The following KNTC1 variants were observed in gnomAD, a reference collection of about 807,000 sequenced individuals.
KNTC1 encodes the protein kinetochore associated 1.
A neutral mutation model predicts 314.4 loss-of-function variants in KNTC1; 253 were observed. The observed-to-expected ratio is 0.80, with a 90% CI of 0.73 to 0.89. The LOEUF (loss-of-function observed/expected upper bound fraction) is 0.89. Ranked by LOEUF, KNTC1 falls within the 40% of genes least tolerant of loss-of-function variation. The pLI, the probability that KNTC1 is intolerant of heterozygous loss-of-function variation, is 0.00. For synonymous variants in KNTC1, 901 were observed against 901.4 expected, an observed-to-expected ratio of 1.00 and a Z score of 0.01; for missense variants, 2,475 against 2,572.9, an observed-to-expected ratio of 0.96 and a Z score of 0.82.
chr12:122,568,226 T>C (rs777285557), intron 20 of KNTC1, 35 bp from the exon 21 acceptor site: 1 of 1,043,362 alleles, frequency 9.6e-7, no homozygotes, highest in South Asian at 1.4e-5. Context: ...TAATTTTTTT[T>C]AAAACTGACT....
chr12:122,561,862 C>A (rs1396822956), intron 18 of KNTC1, 59 bp from the exon 19 acceptor site: 6 of 1,387,518 alleles, frequency 4.3e-6, no homozygotes, highest in South Asian at 1.3e-5. Context: ...GAAAATCCAT[C>A]ATTTAGGAAA....
At chr12:122,571,340 A>T (rs886157833) in intron 24 of KNTC1, among the ~76,000 whole-genome samples, 12 of 150,714 alleles carry the variant, frequency 8.0e-5, no homozygotes, top group African/African-American at 2.4e-5. Flanking sequence ...CTATGTTTTT[A>T]ATTTATTTAT....
chr12:122,552,429 A>G (rs1565947558), intron 16 of KNTC1, among the ~76,000 whole-genome samples: 1 of 152,166 alleles, frequency 6.6e-6, no homozygotes, highest in Non-Finnish European at 1.5e-5. Flanking sequence ...CAGTGGGGCG[A>G]TCACAGCTTA....
chr12:122,611,675 T>C (rs1334571875), intron 53 of KNTC1: 2 of 152,180 alleles, frequency 1.3e-5, no homozygotes, highest in African/African-American at 4.8e-5. Flanking sequence ...TATACAGTAA[T>C]CTTTCCGTAT....
In KNTC1 at chr12:122,587,740, T is replaced by C. The variant is rs267603355; in HGVS notation, c.3760T>C (p.Ser1254Pro). 1.2e-6 allele frequency: 2 copies of C among 1,613,488 alleles called. No individual in the cohort carries two copies. Among genetic ancestry groups the C allele is most frequent in the Non-Finnish European group, 1.7e-6 (2 of 1,179,692 alleles). The change falls in exon 39 of 64, where the codon TCC (serine) becomes CCC (proline). Residue 1254 changes from serine (S) to proline (P), a missense_variant. Coordinates refer to ENST00000333479, the MANE Select transcript of KNTC1 (RefSeq NM_014708.6). The stretch of plus-strand genomic sequence containing the variant: ...TGGCCTTGTTTTACCTGTTATAAAT[T>C]CCATCTCTGCCCTGCTTCAGAATCT... ...GDGLVLPVIN[S>P]ISALLQNLQE...
chr12:122,594,091 G>A (rs1870697862), intron 42 of KNTC1, 185 bp from the exon 43 acceptor site: 2 of 547,674 alleles, frequency 3.7e-6, no homozygotes, highest in South Asian at 2.5e-5. Flanking sequence ...GAGGAGTTTC[G>A]GACCCATGTA....
intron 59 of KNTC1, 42 bp from the exon 60 acceptor site, chr12:122,620,437 G>A: frequency 6.3e-7 from 1 of 1,582,492 alleles, no homozygotes; most frequent in African/African-American, 1.3e-5. Flanking sequence ...ATAATCTAGT[G>A]AATCTGCCAG....
chr12:122,569,946 A>C, intron 22 of KNTC1, 122 bp downstream of exon 22: 1 of 789,334 alleles, frequency 1.3e-6, no homozygotes, highest in Non-Finnish European at 2.0e-6. Flanking sequence ...ACCTGTGTTA[A>C]TTAAAGTGTC....
At chr12:122,594,418 G>A (rs532656783) in intron 43 of KNTC1, 33 bp downstream of exon 43, 14 of 1,190,322 alleles carry the variant, frequency 1.2e-5, no homozygotes, top group Non-Finnish European at 1.2e-5. Flanking sequence ...TATTTTTGCT[G>A]TTAACAAACT....
intron 18 of KNTC1, among the ~76,000 whole-genome samples, chr12:122,561,680 C>T (rs1963986980): frequency 6.6e-6 from 1 of 151,880 alleles, no homozygotes; most frequent in Non-Finnish European, 1.5e-5. Flanking sequence ...TCCTGAACTC[C>T]TGAGCTCAAG....
In KNTC1 at chr12:122,620,568, T is replaced by A; in HGVS notation, c.6239T>A (p.Met2080Lys). 6.2e-7 allele frequency: 1 copy of A among 1,613,756 alleles called. No homozygotes were observed. Among genetic ancestry groups the A allele is most frequent in the Non-Finnish European group, 8.5e-7 (1 of 1,179,716 alleles). ...ELPAFALACL[M>K]LMPHSEKRHQ... ...CCGGCTTTTGCATTAGCTTGTCTGA[T>A]GCTCATGCCCCACTCAGAGAAAAGA... Residue 2080 changes from methionine to lysine, a missense_variant, in exon 60 of 64, where the codon ATG becomes AAG. Met to Lys is a moderately conservative substitution (Grantham distance 95). Transcript: ENST00000333479.
intron 24 of KNTC1, among the ~76,000 whole-genome samples, chr12:122,571,447 C>G (rs1438777270): frequency 2.6e-5 from 4 of 152,030 alleles, no homozygotes; most frequent in Non-Finnish European, 2.9e-5. Flanking sequence ...GCACCCTCAA[C>G]TTTTGGGCTC....
intron 3 of KNTC1, among the ~76,000 whole-genome samples, chr12:122,535,646 AAAC>A (rs1472386080): frequency 9.2e-5 from 14 of 151,694 alleles, no homozygotes; most frequent in Non-Finnish European, 1.8e-4. Flanking sequence ...CTGTCTCCAA[AAAC>A]AACAACAACA....
intron 4 of KNTC1, among the ~76,000 whole-genome samples, chr12:122,538,815 T>C (rs1288534517): frequency 6.6e-6 from 1 of 152,204 alleles, no homozygotes; most frequent in Non-Finnish European, 1.5e-5. Context: ...TGTAGGCATG[T>C]AGAGGCAGGG....
At chr12:122,532,204 TTC>T (rs1272316396) in intron 2 of KNTC1, among the ~76,000 whole-genome samples, 13 of 133,348 alleles carry the variant, frequency 9.7e-5, no homozygotes, top group South Asian at 4.7e-4. Context: ...TGGCTAATTT[TTC>T]TTTTTTTTTT....
At chr12:122,590,469 T>G in intron 40 of KNTC1, 138 bp from the exon 41 acceptor site, 1 of 762,364 alleles carries the variant, frequency 1.3e-6, no homozygotes, top group Non-Finnish European at 2.0e-6. Context: ...CTGAATTCTG[T>G]TTTTTTTTCT....
At position 122,530,123 on chromosome 12, in the gene KNTC1, C is replaced by T. The variant is rs370631854; in HGVS notation, c.60C>T (p.Val20=). Residue 20 remains valine (V), a synonymous_variant, in exon 2 of 64, where the codon GTC becomes GTT. Transcript: ENST00000333479. ...NDDTGSGYLS[V]GSRKEHGTAL... ...ATACCGGAAGTGGGTACCTGAGTGT[C>T]GGTTCAAGAAAAGAACATGGAACTG... 1.7e-5 allele frequency: 27 copies of T among 1,613,326 alleles called. No individual in the cohort carries two copies. The East Asian group carries it at 1.8e-4, about 11-fold the overall frequency.
Position 122,547,446 on chromosome 12 carries a change from T to C in KNTC1, c.848T>C (p.Leu283Pro). The C allele has an allele frequency of 2.5e-6, 4 of 1,612,396 alleles. 1 individual carries two copies. The South Asian group carries it at 4.4e-5, about 18-fold the overall frequency. ...NVLSLWDIYTLTPVWNWPSLH... is the reference protein window; with the variant it reads ...NVLSLWDIYTPTPVWNWPSLH... The stretch of plus-strand genomic sequence containing the variant: ...CTGAGTTTATGGGATATTTACACTC[T>C]AACTCCTGTATGGAACTGGCCCTCT... Residue 283 changes from leucine (L) to proline (P), a missense_variant, in exon 11 of 64, where the codon CTA (leucine) becomes CCA (proline). Leu to Pro is a moderately conservative substitution (Grantham distance 98). Coordinates refer to ENST00000333479, the MANE Select transcript of KNTC1 (RefSeq NM_014708.6).
chr12:122,565,515 A>T (rs995085923), intron 20 of KNTC1, among the ~76,000 whole-genome samples: 24 of 147,232 alleles, frequency 1.6e-4, no homozygotes, highest in African/African-American at 2.5e-4. Context: ...TGTTATTATT[A>T]TTTTTTTTTT....
Sources: gnomAD v4.1 joint callset for allele counts (sites outside exome capture counted in the v4.1 genomes callset) on GRCh38, gnomAD v4.1.1 for gene constraint, MANE v1.5 for transcripts, NCBI Gene and HGNC (gene_info 2026-07-23, HGNC 2026-07-21) for gene names.